MED12L: variants seen among roughly 807,000 people sequenced by gnomAD.
The protein encoded by MED12L is mediator of RNA polymerase II transcription subunit 12-like protein.
In MED12L, 60 loss-of-function variants were observed where a neutral mutation model predicts 281.3. That is an observed-to-expected ratio of 0.21 (90% confidence interval 0.17 to 0.26). MED12L has a LOEUF of 0.26. Among genes scored for constraint, MED12L ranks in the 10% least tolerant of loss-of-function variants. The pLI is 1.00. For missense variants in MED12L, 2,146 were observed against 2,680.9 expected, an observed-to-expected ratio of 0.80 and a Z score of 4.41; for synonymous variants, 974 against 987.2, an observed-to-expected ratio of 0.99 and a Z score of 0.25.
Position 151,253,171 on chromosome 3 carries a change from A to G in MED12L, c.2250+59505A>G, listed in dbSNP as rs566607271. Among the ~76,000 whole-genome samples the G allele has an allele frequency of 6.0e-4, 92 of 152,322 alleles. 1 individual carries two copies. The highest frequency in any genetic ancestry group is 2.2e-3 in the African/African-American group (91 of 41,580). Reference sequence around the variant, plus strand: ...TCTGGGGTCATGACAGGCACCCTGTATAGTGATATAAATGTCAGTGTCTGA... The same window carrying G: ...TCTGGGGTCATGACAGGCACCCTGTGTAGTGATATAAATGTCAGTGTCTGA... On this transcript the variant is annotated intron_variant, in intron 16 of 44. Coordinates refer to ENST00000687756, the MANE Select transcript of MED12L (RefSeq NM_001393769.1).
chr3:151,150,533 GT>G, intron 5 of MED12L, among the ~76,000 whole-genome samples: 1 of 152,102 alleles, frequency 6.6e-6, no homozygotes, highest in Non-Finnish European at 1.5e-5. Flanking sequence ...ATTAGCATTG[GT>G]TTTAGGTTAG....
intron 16 of MED12L, chr3:151,327,933 T>C: frequency 5.7e-6 from 7 of 1,235,332 alleles, no homozygotes; most frequent in Non-Finnish European, 7.8e-6. Context: ...TAAATTTGAT[T>C]TCCACATTAT....
chr3:151,275,831 A>G (rs6768130), intron 16 of MED12L, among the ~76,000 whole-genome samples: 73,205 of 151,892 alleles, frequency 0.48, 17,755 homozygotes, highest in Middle Eastern at 0.64. Context: ...AAGATAGGAT[A>G]TTTTTACTGA....
At chr3:151,423,890 C>T (rs1421549057) in intron 43 of MED12L, among the ~76,000 whole-genome samples, 4 of 152,310 alleles carry the variant, frequency 2.6e-5, no homozygotes, top group Admixed American at 6.5e-5. Context: ...CTTTTTACAT[C>T]GACTGATCCT....
At chr3:151,177,629 A>G (rs1190451590) in intron 11 of MED12L, among the ~76,000 whole-genome samples, 1 of 150,534 alleles carries the variant, frequency 6.6e-6, no homozygotes, top group Non-Finnish European at 1.5e-5. Context: ...AGCTGGGACT[A>G]CAGATGTACA....
At chr3:151,182,429 A>G (rs1461842013) in intron 11 of MED12L, among the ~76,000 whole-genome samples, 1 of 152,222 alleles carries the variant, frequency 6.6e-6, no homozygotes, top group Non-Finnish European at 1.5e-5. Flanking sequence ...AGTGAAGAAA[A>G]CATTTTCAGA....
intron 16 of MED12L, chr3:151,213,116 TG>T: frequency 2.1e-6 from 1 of 485,286 alleles, no homozygotes; most frequent in Non-Finnish European, 3.6e-6. Flanking sequence ...AAATTACTGA[TG>T]GGTATGTTTT....
At chr3:151,372,505 C>T (rs1231782607) in intron 26 of MED12L, 62 bp from the exon 27 acceptor site, 19 of 1,216,888 alleles carry the variant, frequency 1.6e-5, no homozygotes, top group Middle Eastern at 1.9e-4. Context: ...CTCATTTGCT[C>T]CTCAATTATT....
At chr3:151,122,669 C>G in intron 3 of MED12L, 114 bp from the exon 4 acceptor site, 2 of 713,070 alleles carry the variant, frequency 2.8e-6, no homozygotes, top group Non-Finnish European at 4.3e-6. Flanking sequence ...AATTTATTTT[C>G]TGATGGGATG....
At chr3:151,159,020 T>G (rs1719652746) in intron 7 of MED12L, among the ~76,000 whole-genome samples, 3 of 152,230 alleles carry the variant, frequency 2.0e-5, no homozygotes, top group Non-Finnish European at 4.4e-5. Context: ...TGTGTCCTAA[T>G]TTTTAAGTAA....
At chr3:151,252,833 A>G (rs1737110612) in intron 16 of MED12L, among the ~76,000 whole-genome samples, 1 of 152,152 alleles carries the variant, frequency 6.6e-6, no homozygotes, top group Non-Finnish European at 1.5e-5. Context: ...AAATGTGTGT[A>G]TTTTAACCAA....
intron 2 of MED12L, among the ~76,000 whole-genome samples, chr3:151,107,774 C>G (rs1422064673): frequency 2.0e-5 from 3 of 151,996 alleles, no homozygotes; most frequent in Non-Finnish European, 4.4e-5. Context: ...CTTATGTAAC[C>G]TCAGTCCTGT....
At chr3:151,281,232 C>CAAAAAAA (rs35035320) in intron 16 of MED12L, among the ~76,000 whole-genome samples, 2 of 49,940 alleles carry the variant, frequency 4.0e-5, no homozygotes, top group African/African-American at 1.5e-4. Context: ...ACCAAAAATA[C>CAAAAAAA]AAAAAAAAAA....
In MED12L at chr3:151,435,566, C is replaced by CACAAA. The variant is rs1412103700; in HGVS notation, c.*2764_*2765insAAAAC. 2 of 152,078 alleles carry CACAAA rather than the reference C, an allele frequency of 1.3e-5. No individual in the cohort carries two copies. The highest frequency in any genetic ancestry group is 4.8e-5 in the African/African-American group (2 of 41,392). The allele number at this position is 152,078 out of a possible 1,614,324, so 9.4% of individuals were successfully genotyped here. A position where few individuals can be genotyped will look rare whatever the true frequency, so the allele number is the denominator to read the frequency against. ...CTTATTAGTAATTCTCGGTTTTGTGCACTGAGATATCTAAGACCTATGGCA... is the reference window on the plus strand; with the variant it reads ...CTTATTAGTAATTCTCGGTTTTGTGCACAAAACTGAGATATCTAAGACCTATGGCA... On this transcript the variant is annotated 3_prime_UTR_variant, in exon 45 of 45. Transcript: ENST00000687756.
chr3:151,366,799 GC>G (rs1013154430), intron 23 of MED12L, among the ~76,000 whole-genome samples: 1 of 151,832 alleles, frequency 6.6e-6, no homozygotes, highest in Non-Finnish European at 1.5e-5. Flanking sequence ...CATAGATGTG[GC>G]CTGCTTTTCT....
At chr3:151,130,684 T>C (rs1282021205) in intron 5 of MED12L, among the ~76,000 whole-genome samples, 1 of 152,200 alleles carries the variant, frequency 6.6e-6, no homozygotes, top group Non-Finnish European at 1.5e-5. Flanking sequence ...CCTTCACCTG[T>C]GGGTGCACAT....
At chr3:151,092,921 C>G (rs1720246778) in intron 2 of MED12L, among the ~76,000 whole-genome samples, 1 of 152,248 alleles carries the variant, frequency 6.6e-6, no homozygotes, top group Non-Finnish European at 1.5e-5. Context: ...TTGGGAGGTC[C>G]TGCTGTTTTC....
chr3:151,159,200 CTT>C lies in MED12L; in HGVS notation c.837+405_837+406del, dbSNP rs975428453. 2.6e-5 allele frequency among the ~76,000 whole-genome samples: 4 copies of C among 152,240 alleles called. No homozygotes were observed. The South Asian group carries it at 6.2e-4, about 24-fold the overall frequency. On this transcript the variant is annotated intron_variant, in intron 7 of 44. Transcript: ENST00000687756. Reference sequence around the variant, plus strand: ...TCTTTGAGACTCTTGGGATAGGAAACTTTTTATTTTGATGATTGGTCTAAGAT... The same window carrying C: ...TCTTTGAGACTCTTGGGATAGGAAACTTTATTTTGATGATTGGTCTAAGAT...
At chr3:151,129,414 A>T (rs1446670518) in intron 5 of MED12L, among the ~76,000 whole-genome samples, 11 of 152,104 alleles carry the variant, frequency 7.2e-5, no homozygotes, top group African/African-American at 2.7e-4. Flanking sequence ...GTAGTAATCC[A>T]CAAGTTAACA....
Sources: allele counts gnomAD v4.1 joint callset (sites outside exome capture counted in the v4.1 genomes callset), GRCh38; gene constraint gnomAD v4.1.1; transcripts MANE v1.5; gene names NCBI Gene and HGNC (gene_info 2026-07-23, HGNC 2026-07-21).